UNC13C: variants seen among roughly 807,000 people sequenced by gnomAD.
UNC13C encodes unc-13 homolog C.
Under a neutral mutation model 245.4 loss-of-function variants are expected in UNC13C, and 174 were observed. That is an observed-to-expected ratio of 0.71 (90% CI 0.63 to 0.80). UNC13C has a LOEUF of 0.80. Among genes scored for constraint, UNC13C ranks in the 30% least tolerant of loss-of-function variants. The probability of loss-of-function intolerance (pLI) is 0.00; values close to 1 mark genes in which losing one functional copy is unlikely to be tolerated. For synonymous variants in UNC13C, 992 were observed against 895.1 expected (o/e 1.11, Z -1.93); for missense variants, 2,829 against 2,602.9 (o/e 1.09, Z -1.89).
intron 10 of UNC13C, among the ~76,000 whole-genome samples, chr15:54,289,746 C>T (rs990437831): frequency 8.6e-5 from 13 of 152,008 alleles, no homozygotes; most frequent in African/African-American, 2.9e-4. Flanking sequence ...TTTTGCCCCT[C>T]GGGACTAAAT....
chr15:54,092,584 A>T (rs1362298713), intron 2 of UNC13C, among the ~76,000 whole-genome samples: 1 of 152,176 alleles, frequency 6.6e-6, no homozygotes, highest in African/African-American at 2.4e-5. Context: ...ACCTGACAAA[A>T]TCTGTCCCCT....
At chr15:53,934,665 A>T in the UNC13C span, among the ~76,000 whole-genome samples, 1 of 152,188 alleles carries the variant, frequency 6.6e-6, no homozygotes, top group Non-Finnish European at 1.5e-5. Flanking sequence ...AATACCATAG[A>T]ATAGGTGCTT....
At chr15:54,551,142 A>G (rs1290681564) in intron 28 of UNC13C, among the ~76,000 whole-genome samples, 2 of 152,148 alleles carry the variant, frequency 1.3e-5, no homozygotes, top group African/African-American at 4.8e-5. Flanking sequence ...ACAATTTTAC[A>G]GGACCCAGAT....
intron 19 of UNC13C, among the ~76,000 whole-genome samples, chr15:54,478,307 T>C (rs1450141317): frequency 7.6e-6 from 1 of 131,870 alleles, no homozygotes; most frequent in African/African-American, 2.9e-5. Context: ...TGTCTCTATT[T>C]CCTTCTGTTC....
chr15:54,350,950 T>A (rs952610814), intron 17 of UNC13C, among the ~76,000 whole-genome samples: 15 of 152,230 alleles, frequency 9.9e-5, no homozygotes, highest in Non-Finnish European at 1.8e-4. Context: ...ATATAATATT[T>A]CACTGAAGAC....
chr15:54,402,371 T>G (rs999523344), intron 18 of UNC13C, among the ~76,000 whole-genome samples: 1 of 152,188 alleles, frequency 6.6e-6, no homozygotes, highest in African/African-American at 2.4e-5. Flanking sequence ...CTTTTCTAAG[T>G]GCATAAGGGT....
chr15:53,861,204 ACT>A, the UNC13C span, among the ~76,000 whole-genome samples: 1 of 152,038 alleles, frequency 6.6e-6, no homozygotes, highest in East Asian at 1.9e-4. Context: ...ATGTTCAAGG[ACT>A]CTATATGTGA....
intron 4 of UNC13C, among the ~76,000 whole-genome samples, chr15:54,161,643 G>C (rs2032979611): frequency 1.3e-5 from 2 of 151,970 alleles, no homozygotes; most frequent in African/African-American, 4.8e-5. Flanking sequence ...CCTTTTGTCA[G>C]TTATCATTAA....
Position 54,623,955 on chromosome 15 carries a change from G to T in UNC13C, c.6359+1G>T, listed in dbSNP as rs886143186. 6.2e-7 allele frequency: 1 copy of T among 1,612,910 alleles called. No homozygotes were observed. Among genetic ancestry groups the T allele is most frequent in the East Asian group, 2.2e-5 (1 of 44,838 alleles). On this transcript the variant is annotated splice_donor_variant, in intron 32 of 32. Transcript: ENST00000260323. LOFTEE classifies it high-confidence loss of function. ...CAAAGTACAATGAAACATTTCAGTT[G>T]TAAGTCATAAACCCACCTTACTTAT...
chr15:54,327,757 C>T (rs1302663123), intron 14 of UNC13C, among the ~76,000 whole-genome samples: 2 of 151,886 alleles, frequency 1.3e-5, no homozygotes, highest in African/African-American at 4.8e-5. Flanking sequence ...TTTTCTTCTG[C>T]GATTAGGCCA....
chr15:54,146,726 C>G (rs1383653381), intron 4 of UNC13C, among the ~76,000 whole-genome samples: 1 of 152,052 alleles, frequency 6.6e-6, no homozygotes, highest in Admixed American at 6.6e-5. Flanking sequence ...TCTATGTAAG[C>G]AAAGAGTCAT....
chr15:53,914,403 C>T, the UNC13C span: 1 of 152,210 alleles, frequency 6.6e-6, no homozygotes. Context: ...GCTCTTGGGG[C>T]TCGGCTCAGC....
intron 18 of UNC13C, among the ~76,000 whole-genome samples, chr15:54,398,655 T>G (rs2040119999): frequency 6.6e-6 from 1 of 151,432 alleles, no homozygotes; most frequent in Non-Finnish European, 1.5e-5. Flanking sequence ...GTTTACCTAT[T>G]TGTTCAAATA....
intron 2 of UNC13C, among the ~76,000 whole-genome samples, chr15:54,122,793 A>T (rs540967352): frequency 5.3e-5 from 8 of 152,160 alleles, no homozygotes; most frequent in African/African-American, 1.9e-4. Context: ...CCATATTTGT[A>T]TGTGTATCAG....
intron 2 of UNC13C, among the ~76,000 whole-genome samples, chr15:54,064,985 T>C (rs1282911584): frequency 6.6e-6 from 1 of 152,244 alleles, no homozygotes; most frequent in East Asian, 1.9e-4. Context: ...ATTACTTTTG[T>C]TATAGAAAAC....
At chr15:54,361,687 G>A (rs933219074) in intron 17 of UNC13C, among the ~76,000 whole-genome samples, 6 of 152,250 alleles carry the variant, frequency 3.9e-5, no homozygotes, top group South Asian at 4.2e-4. Flanking sequence ...CCGATTCTGG[G>A]GAGGACTTAC....
chr15:54,408,888 A>G (rs2040362017), intron 18 of UNC13C, among the ~76,000 whole-genome samples: 1 of 152,234 alleles, frequency 6.6e-6, no homozygotes, highest in Admixed American at 6.5e-5. Context: ...ATTCATGTCA[A>G]TTGAAAGAGA....
At chr15:54,416,823 CAT>C in intron 19 of UNC13C, 1 of 442,094 alleles carries the variant, frequency 2.3e-6, no homozygotes, top group South Asian at 1.6e-5. Flanking sequence ...TTGGTGCCAC[CAT>C]TTATGCAGCT....
intron 2 of UNC13C, among the ~76,000 whole-genome samples, chr15:54,046,907 A>T (rs1186410576): frequency 6.6e-6 from 1 of 152,046 alleles, no homozygotes; most frequent in Non-Finnish European, 1.5e-5. Flanking sequence ...TATTAAAAAA[A>T]AACTAGACAT....
Sources: gnomAD v4.1 joint callset for allele counts (sites outside exome capture counted in the v4.1 genomes callset) on GRCh38, gnomAD v4.1.1 for gene constraint, MANE v1.5 for transcripts, NCBI Gene and HGNC (gene_info 2026-07-23, HGNC 2026-07-21) for gene names.